The following XKR6 variants were observed in gnomAD, a reference collection of about 807,000 sequenced individuals.
XKR6 encodes XK-related protein 6.
In XKR6, 22 loss-of-function variants were observed where a neutral mutation model predicts 56.7. The observed-to-expected ratio is 0.39, with a 90% CI of 0.28 to 0.55. The LOEUF (loss-of-function observed/expected upper bound fraction) is 0.55, where lower values mean the gene tolerates loss of function less well. Among genes scored for constraint, XKR6 ranks in the 20% least tolerant of loss-of-function variants. The pLI is 0.66. For synonymous variants in XKR6, 524 were observed against 387.8 expected, an observed-to-expected ratio of 1.35 and a Z score of -4.13; for missense variants, 852 against 889.0, an observed-to-expected ratio of 0.96 and a Z score of 0.53.
intron 1 of XKR6, among the ~76,000 whole-genome samples, chr8:11,189,979 A>C (rs1563206469): frequency 6.6e-6 from 1 of 152,096 alleles, no homozygotes. Flanking sequence ...CAACATGGTG[A>C]AACACTTTCT....
At chr8:10,982,236 C>T (rs1563326640) in intron 1 of XKR6, among the ~76,000 whole-genome samples, 5 of 152,184 alleles carry the variant, frequency 3.3e-5, no homozygotes. Flanking sequence ...GAGAACGGCA[C>T]TTTCTCTTTG....
intron 1 of XKR6, among the ~76,000 whole-genome samples, chr8:11,131,396 G>C (rs970694573): frequency 4.6e-5 from 7 of 152,024 alleles, no homozygotes; most frequent in South Asian, 2.1e-4. Flanking sequence ...AACATAGAAG[G>C]CATGATGAAA....
At chr8:11,003,228 G>A (rs1798286869) in intron 1 of XKR6, among the ~76,000 whole-genome samples, 1 of 152,194 alleles carries the variant, frequency 6.6e-6, no homozygotes, top group African/African-American at 2.4e-5. Flanking sequence ...ACCTGGCATT[G>A]TAGTGATCAG....
chr8:10,975,739 C>G (rs1428337265), intron 1 of XKR6, among the ~76,000 whole-genome samples: 4 of 152,338 alleles, frequency 2.6e-5, no homozygotes, highest in Non-Finnish European at 1.5e-5. Flanking sequence ...CTCAGCCCAG[C>G]TGACCGCAAG....
intron 1 of XKR6, among the ~76,000 whole-genome samples, chr8:10,995,138 C>T (rs985598032): frequency 3.9e-5 from 6 of 152,196 alleles, no homozygotes; most frequent in African/African-American, 7.2e-5. Context: ...GATGTATAGA[C>T]GAGAGCATTT....
intron 1 of XKR6, among the ~76,000 whole-genome samples, chr8:10,958,675 G>A (rs567763496): frequency 1.2e-4 from 18 of 152,300 alleles, no homozygotes; most frequent in East Asian, 3.9e-4. Context: ...AGCCTGGGCC[G>A]CCCGCTGATG....
intron 1 of XKR6, among the ~76,000 whole-genome samples, chr8:11,116,964 T>C (rs187518395): frequency 6.6e-6 from 1 of 152,198 alleles, no homozygotes; most frequent in Non-Finnish European, 1.5e-5. Flanking sequence ...ATATACTTAG[T>C]CTTAACTTTT....
intron 1 of XKR6, among the ~76,000 whole-genome samples, chr8:11,191,391 G>A (rs971749238): frequency 6.6e-6 from 1 of 152,148 alleles, no homozygotes; most frequent in Non-Finnish European, 1.5e-5. Context: ...GTTACCTACC[G>A]ATTGCCAAGG....
intron 2 of XKR6, among the ~76,000 whole-genome samples, chr8:10,904,121 T>C (rs1456359526): frequency 1.3e-5 from 2 of 152,096 alleles, no homozygotes; most frequent in African/African-American, 4.8e-5. Context: ...AGACTAGAAA[T>C]TGTTACACGC....
chr8:11,132,778 C>CAG (rs1372660052), intron 1 of XKR6, among the ~76,000 whole-genome samples: 3 of 144,230 alleles, frequency 2.1e-5, no homozygotes, highest in Non-Finnish European at 3.0e-5. Flanking sequence ...CACACACACA[C>CAG]ACACACACGC....
intron 1 of XKR6, among the ~76,000 whole-genome samples, chr8:11,163,789 G>A (rs1481381321): frequency 6.6e-6 from 1 of 152,060 alleles, no homozygotes; most frequent in African/African-American, 2.4e-5. Context: ...TTACAGTTGA[G>A]GAACTGTGGC....
chr8:10,982,724 C>A (rs1016701842), intron 1 of XKR6, among the ~76,000 whole-genome samples: 2 of 152,148 alleles, frequency 1.3e-5, no homozygotes, highest in African/African-American at 2.4e-5. Context: ...GAGGCCCTGG[C>A]GTTTCTCTAA....
intron 1 of XKR6, among the ~76,000 whole-genome samples, chr8:11,084,046 C>T (rs1797808825): frequency 6.6e-6 from 1 of 152,236 alleles, no homozygotes; most frequent in Non-Finnish European, 1.5e-5. Context: ...TGGCTTCCAG[C>T]CCTGTGTCTG....
intron 1 of XKR6, among the ~76,000 whole-genome samples, chr8:11,148,196 C>A (rs541774163): frequency 1.1e-3 from 174 of 152,162 alleles, no homozygotes; most frequent in African/African-American, 4.0e-3. Context: ...GGCGACAGAG[C>A]AAGACCCTGT....
chr8:10,923,059 T>C (rs556543551), intron 2 of XKR6, among the ~76,000 whole-genome samples: 1 of 152,330 alleles, frequency 6.6e-6, no homozygotes, highest in South Asian at 2.1e-4. Flanking sequence ...AGGGCAGATG[T>C]TGGCTGGTGT....
At position 11,021,802 on chromosome 8, in the gene XKR6, A is replaced by C. The variant is rs11781995; in HGVS notation, c.765-96972T>G. ...AGCCTCCTGAGATACTAACGTGATA[A>C]GACACAATCCCTGCCCTCAAGGAAC... On this transcript the variant is annotated intron_variant, in intron 1 of 2. Coordinates refer to ENST00000416569, the MANE Select transcript of XKR6 (RefSeq NM_173683.4). Among the ~76,000 whole-genome samples the C allele has an allele frequency of 3.9e-3, 588 of 152,292 alleles. 3 individuals carry two copies. The highest frequency in any genetic ancestry group is 6.7e-3 in the Non-Finnish European group (453 of 68,016).
chr8:11,178,250 T>C (rs1167249162), intron 1 of XKR6, among the ~76,000 whole-genome samples: 6 of 152,120 alleles, frequency 3.9e-5, no homozygotes, highest in Admixed American at 1.3e-4. Flanking sequence ...CTGTCTACTC[T>C]AGACAATCAG....
At chr8:10,963,317 G>A (rs1407131969) in intron 1 of XKR6, among the ~76,000 whole-genome samples, 4 of 152,226 alleles carry the variant, frequency 2.6e-5, no homozygotes, top group African/African-American at 9.6e-5. Flanking sequence ...GGCCTTTCTC[G>A]ACCACCCTGT....
rs868707320 is a variant in XKR6, at chr8:11,166,819, C to T, written c.764+33757G>A. Among the ~76,000 whole-genome samples the T allele has an allele frequency of 7.2e-5, 11 of 152,148 alleles. No homozygotes were observed. The East Asian group carries it at 7.7e-4, about 11-fold the overall frequency. On this transcript the variant is annotated intron_variant, in intron 1 of 2. Coordinates refer to ENST00000416569, the MANE Select transcript of XKR6 (RefSeq NM_173683.4). ...AACTCGTGACCTCAGGTGATCCAAC[C>T]GCCTCGACCTCTCAAAAACTGCTGA...
Sources: gnomAD v4.1 joint callset for allele counts (sites outside exome capture counted in the v4.1 genomes callset) on GRCh38, gnomAD v4.1.1 for gene constraint, MANE v1.5 for transcripts, NCBI Gene and HGNC (gene_info 2026-07-23, HGNC 2026-07-21) for gene names.